The following SPECC1 variants were observed in gnomAD, a reference collection of about 807,000 sequenced individuals.
The protein encoded by SPECC1 is sperm antigen with calponin homology and coiled-coil domains 1.
Under a neutral mutation model 104.1 loss-of-function variants are expected in SPECC1, and 62 were observed. The observed-to-expected ratio is 0.60, with a 90% CI of 0.49 to 0.74. The LOEUF (loss-of-function observed/expected upper bound fraction) is 0.74, where lower values mean the gene tolerates loss of function less well. Among genes scored for constraint, SPECC1 ranks in the 30% least tolerant of loss-of-function variants. SPECC1 has a pLI of 0.00. For missense variants in SPECC1, 1,306 were observed against 1,310.5 expected (o/e 1.00, Z 0.05); for synonymous variants, 513 against 501.6 (o/e 1.02, Z -0.30).
chr17:20,279,707 T>G (rs999921918), intron 12 of SPECC1, among the ~76,000 whole-genome samples: 1 of 152,214 alleles, frequency 6.6e-6, no homozygotes, highest in Non-Finnish European at 1.5e-5. Context: ...GCATATTATT[T>G]TCTTAGTACA....
Position 20,246,087 on chromosome 17 carries a change from T to C in SPECC1, c.2497+16T>C. On this transcript the variant is annotated intron_variant, in intron 8 of 14. Coordinates refer to ENST00000395527, the MANE Select transcript of SPECC1 (RefSeq NM_001243439.2). ...GGACGCCCAGGTATTTAATCATTTT[T>C]TCTATAAGCAAAGCTCCAAATTCAA... 1 of 1,612,888 alleles carries C rather than the reference T, an allele frequency of 6.2e-7. No individual in the cohort carries two copies.
intron 3 of SPECC1, among the ~76,000 whole-genome samples, chr17:20,123,750 A>G (rs16942325): frequency 0.091 from 13,894 of 152,290 alleles, 793 homozygotes; most frequent in Non-Finnish European, 0.13. Flanking sequence ...TACCTGTTGT[A>G]GAATTACTAT....
intron 3 of SPECC1, among the ~76,000 whole-genome samples, chr17:20,189,994 C>G (rs1308284488): frequency 6.6e-6 from 1 of 151,648 alleles, no homozygotes; most frequent in Non-Finnish European, 1.5e-5. Context: ...GTTTTTTTCC[C>G]TCCATTTGAT....
intron 3 of SPECC1, 45 bp downstream of exon 3, chr17:20,110,607 G>T: frequency 2.6e-6 from 4 of 1,564,176 alleles, no homozygotes; most frequent in Non-Finnish European, 3.5e-6. Context: ...ATCAGTCCTG[G>T]CCGCATGGAA....
At chr17:20,192,858 T>G (rs1023494593) in intron 3 of SPECC1, among the ~76,000 whole-genome samples, 2 of 152,218 alleles carry the variant, frequency 1.3e-5, no homozygotes, top group East Asian at 3.8e-4. Flanking sequence ...GTTTCTTGTT[T>G]TGTGACTATT....
chr17:20,299,111 A>G (rs2041474929), intron 13 of SPECC1, among the ~76,000 whole-genome samples: 3 of 151,960 alleles, frequency 2.0e-5, no homozygotes, highest in African/African-American at 7.3e-5. Flanking sequence ...AAGAGCTGAT[A>G]CTACAGTCCC....
chr17:20,075,767 G>C (rs764255953), intron 1 of SPECC1, among the ~76,000 whole-genome samples: 1 of 152,056 alleles, frequency 6.6e-6, no homozygotes, highest in Non-Finnish European at 1.5e-5. Flanking sequence ...GCAGCATAGT[G>C]ATACCTCATC....
At chr17:20,160,721 C>T (rs1303820594) in intron 3 of SPECC1, among the ~76,000 whole-genome samples, 1 of 152,132 alleles carries the variant, frequency 6.6e-6, no homozygotes, top group East Asian at 1.9e-4. Flanking sequence ...TGATGCATTT[C>T]AATGAAATGG....
At chr17:20,257,693 T>A in intron 11 of SPECC1, 86 bp downstream of exon 11, 1 of 1,504,866 alleles carries the variant, frequency 6.6e-7, no homozygotes, top group South Asian at 1.2e-5. Context: ...CCGTGGCCAA[T>A]TTACTTCTAC....
At chr17:20,046,972 A>C (rs1159500709) in intron 1 of SPECC1, among the ~76,000 whole-genome samples, 1 of 152,132 alleles carries the variant, frequency 6.6e-6, no homozygotes, top group Non-Finnish European at 1.5e-5. Context: ...TCCAGGGGAC[A>C]AGACTGGGAG....
intron 14 of SPECC1, among the ~76,000 whole-genome samples, chr17:20,309,807 C>A (rs9892876): frequency 7.0e-6 from 1 of 143,408 alleles, no homozygotes; most frequent in Non-Finnish European, 1.5e-5. Context: ...GGTTTTCTTT[C>A]TCCTTTTCTT....
At chr17:20,210,097 G>T (rs2037036824) in intron 4 of SPECC1, among the ~76,000 whole-genome samples, 1 of 152,132 alleles carries the variant, frequency 6.6e-6, no homozygotes, top group Non-Finnish European at 1.5e-5. Flanking sequence ...ATTTAGAGTG[G>T]CCAGTGGTCA....
chr17:20,130,160 A>G (rs937618077), intron 3 of SPECC1, among the ~76,000 whole-genome samples: 8 of 152,334 alleles, frequency 5.3e-5, no homozygotes, highest in African/African-American at 1.9e-4. Context: ...TTTTTGCAAA[A>G]GTTGTGAGAC....
intron 12 of SPECC1, among the ~76,000 whole-genome samples, chr17:20,275,863 C>T (rs139852549): frequency 7.0e-4 from 106 of 152,212 alleles, no homozygotes; most frequent in African/African-American, 2.5e-3. Flanking sequence ...GTGTTGAAAT[C>T]TCTTACTCTG....
intron 4 of SPECC1, among the ~76,000 whole-genome samples, chr17:20,227,119 A>G (rs1232406277): frequency 6.6e-6 from 1 of 152,184 alleles, no homozygotes; most frequent in Non-Finnish European, 1.5e-5. Context: ...CACAGAATCC[A>G]GCCATTTGGA....
At chr17:20,197,723 G>C (rs189792512) in intron 3 of SPECC1, among the ~76,000 whole-genome samples, 3 of 152,196 alleles carry the variant, frequency 2.0e-5, no homozygotes, top group African/African-American at 4.8e-5. Context: ...TTTGTTTCAG[G>C]GATCTGTAGC....
intron 3 of SPECC1, chr17:20,112,560 G>T: frequency 1.3e-6 from 1 of 794,904 alleles, no homozygotes; most frequent in Non-Finnish European, 2.3e-6. Context: ...AGTTTAAGCC[G>T]CTGCAGTCTT....
intron 1 of SPECC1, among the ~76,000 whole-genome samples, chr17:20,024,376 CTCT>C (rs766950712): frequency 7.2e-5 from 11 of 152,328 alleles, no homozygotes; most frequent in Non-Finnish European, 1.5e-4. Context: ...TTTTTCTCTT[CTCT>C]TCTAGTCCAG....
intron 1 of SPECC1, among the ~76,000 whole-genome samples, chr17:20,092,839 C>G (rs1249809951): frequency 6.6e-6 from 1 of 152,212 alleles, no homozygotes; most frequent in African/African-American, 2.4e-5. Context: ...GAAAGCATGG[C>G]TGAGTTCACA....
Sources: gnomAD v4.1 joint callset for allele counts (sites outside exome capture counted in the v4.1 genomes callset) on GRCh38, gnomAD v4.1.1 for gene constraint, MANE v1.5 for transcripts, NCBI Gene and HGNC (gene_info 2026-07-23, HGNC 2026-07-21) for gene names.